The following TLE3 variants were observed in gnomAD, a reference collection of about 807,000 sequenced individuals.
The protein encoded by TLE3 is transducin-like enhancer protein 3.
TLE3 carries 14 observed loss-of-function variants against 93.0 expected under a neutral mutation model. That is an observed-to-expected ratio of 0.15 (90% CI 0.10 to 0.24). TLE3 has a LOEUF of 0.24. Ranked by LOEUF, TLE3 falls within the 10% of genes least tolerant of loss-of-function variation. The pLI is 1.00. For missense variants in TLE3, 693 were observed against 1,046.6 expected (o/e 0.66, Z 4.66); for synonymous variants, 451 against 425.0 (o/e 1.06, Z -0.75).
chr15:70,090,478 T>C (rs1014007021), intron 4 of TLE3, among the ~76,000 whole-genome samples: 2 of 152,176 alleles, frequency 1.3e-5, no homozygotes, highest in African/African-American at 2.4e-5. Flanking sequence ...GCAGAGTCCT[T>C]TGTAACCTCA....
rs757242205 is a variant in TLE3 at position 70,058,142 on chromosome 15, G to A, written c.1051+17C>T. 9 of 1,613,808 alleles carry A rather than the reference G, an allele frequency of 5.6e-6. No individual in the cohort carries two copies. The highest frequency in any genetic ancestry group is 4.2e-6 in the Non-Finnish European group (5 of 1,179,868). On this transcript the variant is annotated intron_variant, in intron 12 of 19. Coordinates refer to ENST00000451782, the MANE Select transcript of TLE3 (RefSeq NM_001105192.3). The surrounding 1 kb of genome is among the most constrained non-coding windows in gnomAD (Gnocchi z 4.1). ...CCCAATCAGATTAACCCAGCCCATG[G>A]TGCCTACCCATTATACCTATCGGGT...
At chr15:70,069,948 C>T (rs1249318150) in intron 6 of TLE3, among the ~76,000 whole-genome samples, 2 of 152,252 alleles carry the variant, frequency 1.3e-5, no homozygotes, top group Non-Finnish European at 2.9e-5. Flanking sequence ...ACAGTGATGT[C>T]TGAGTGGGAG....
chr15:70,066,259 G>C (rs763691334), intron 6 of TLE3, 41 bp from the exon 7 acceptor site: 6 of 1,446,304 alleles, frequency 4.1e-6, no homozygotes, highest in Non-Finnish European at 5.5e-6. Context: ...AGTTGGGGAG[G>C]GCAGGGGAGG....
Position 70,065,996 on chromosome 15 carries a change from G to A in TLE3, c.577+18C>T. Reference sequence around the variant, plus strand: ...CCACCCCTGCCCCGCCCCACCCTCTGCCCCAGCCCAGCCGCACCTCTGTGA... The same window carrying A: ...CCACCCCTGCCCCGCCCCACCCTCTACCCCAGCCCAGCCGCACCTCTGTGA... On this transcript the variant is annotated intron_variant, in intron 7 of 19. Transcript: ENST00000451782. 1 of 1,347,806 alleles carries A rather than the reference G, an allele frequency of 7.4e-7. No individual in the cohort carries two copies. The highest frequency in any genetic ancestry group is 1.0e-6 in the Non-Finnish European group (1 of 955,762). 83.5% of individuals were successfully genotyped at this position (1,347,806 alleles called of 1,614,324 possible).
At chr15:70,095,507 C>T (rs773174546) in intron 3 of TLE3, 71 bp downstream of exon 3, 2 of 1,547,092 alleles carry the variant, frequency 1.3e-6, no homozygotes, top group South Asian at 2.4e-5. Flanking sequence ...GCTCATCTCC[C>T]CAGATCCACG....
At chr15:70,073,865 A>G (rs1481288195) in intron 6 of TLE3, among the ~76,000 whole-genome samples, 1 of 152,248 alleles carries the variant, frequency 6.6e-6, no homozygotes, top group African/African-American at 2.4e-5. Flanking sequence ...AGGTAGACCC[A>G]GCTTCCCTTT....
chr15:70,070,599 C>T (rs971591532), intron 6 of TLE3, among the ~76,000 whole-genome samples: 1 of 152,228 alleles, frequency 6.6e-6, no homozygotes, highest in African/African-American at 2.4e-5. Context: ...CATTGAGCTT[C>T]TGGGGTTGGT....
chr15:70,055,570 C>A, intron 14 of TLE3: 3 of 379,186 alleles, frequency 7.9e-6, no homozygotes, highest in African/African-American at 2.1e-5. Context: ...AATGCCCTTT[C>A]CCACGATCCA....
At chr15:70,073,717 A>G (rs1229550315) in intron 6 of TLE3, among the ~76,000 whole-genome samples, 1 of 152,232 alleles carries the variant, frequency 6.6e-6, no homozygotes, top group Non-Finnish European at 1.5e-5. Flanking sequence ...CCCCAAGGGT[A>G]AGAGCCTTGC....
chr15:70,065,996 G>GGCCCCCCCCCCCCC lies in TLE3; in HGVS notation c.577+17_577+18insGGGGGGGGGGGGGC. On this transcript the variant is annotated intron_variant, in intron 7 of 19. Coordinates refer to ENST00000451782, the MANE Select transcript of TLE3 (RefSeq NM_001105192.3). ...CCACCCCTGCCCCGCCCCACCCTCT[G>GGCCCCCCCCCCCCC]CCCCAGCCCAGCCGCACCTCTGTGA... 1 of 1,347,810 alleles carries GGCCCCCCCCCCCCC rather than the reference G, an allele frequency of 7.4e-7. No individual in the cohort carries two copies. The highest frequency in any genetic ancestry group is 1.0e-6 in the Non-Finnish European group (1 of 955,764). 83.5% of individuals were successfully genotyped at this position (1,347,810 alleles called of 1,614,324 possible).
chr15:70,058,446 G>A lies in TLE3; in HGVS notation c.919-155C>T, dbSNP rs2056234376. The A allele has an allele frequency of 2.9e-6, 4 of 1,366,314 alleles. No homozygotes were observed. Among genetic ancestry groups the A allele is most frequent in the Non-Finnish European group, 3.0e-6 (3 of 1,005,532 alleles). The allele number at this position is 1,366,314 out of a possible 1,614,324, so 84.6% of individuals were successfully genotyped here. A position where few individuals can be genotyped will look rare whatever the true frequency, so the allele number is the denominator to read the frequency against. On this transcript the variant is annotated intron_variant, in intron 11 of 19. Transcript: ENST00000451782. This position sits in a 1 kb window ranked among gnomAD's most constrained non-coding sequence, Gnocchi z 4.1. ...CTCAATCCTTGCCCAACCTTGTTTG[G>A]CAGGGACTGGGGTGATCACTCCCAT...
chr15:70,084,703 C>T (rs2057960166), intron 4 of TLE3, among the ~76,000 whole-genome samples: 1 of 152,204 alleles, frequency 6.6e-6, no homozygotes, highest in South Asian at 2.1e-4. Context: ...ACCGTCAGTG[C>T]TGCTATCTGA....
At chr15:70,054,898 C>T in intron 15 of TLE3, 151 bp downstream of exon 15, 2 of 1,285,094 alleles carry the variant, frequency 1.6e-6, no homozygotes, top group Non-Finnish European at 2.1e-6. Flanking sequence ...ACACAGAAGG[C>T]ACAACTGAGG....
At chr15:70,093,343 T>C (rs1183452968) in intron 4 of TLE3, among the ~76,000 whole-genome samples, 4 of 152,206 alleles carry the variant, frequency 2.6e-5, no homozygotes, top group Non-Finnish European at 4.4e-5. Context: ...AAAGGCTCTA[T>C]AGGAAGCCAC....
intron 4 of TLE3, among the ~76,000 whole-genome samples, chr15:70,082,535 G>C (rs2057830614): frequency 6.6e-6 from 1 of 152,172 alleles, no homozygotes; most frequent in Non-Finnish European, 1.5e-5. Flanking sequence ...CTCAATGACA[G>C]GTGAGCCTTC....
chr15:70,058,042 C>G lies in TLE3; in HGVS notation c.1051+117G>C. 6.7e-7 allele frequency: 1 copy of G among 1,494,416 alleles called. No homozygotes were observed. The highest frequency in any genetic ancestry group is 9.1e-7 in the Non-Finnish European group (1 of 1,103,002). The allele number at this position is 1,494,416 out of a possible 1,614,324, so 92.6% of individuals were successfully genotyped here. ...GACCGTGAAGTCCCCAGGGGCAGGCCCTGGGAGACACTGCCTGTGCTCTAT... is the reference window on the plus strand; with the variant it reads ...GACCGTGAAGTCCCCAGGGGCAGGCGCTGGGAGACACTGCCTGTGCTCTAT... On this transcript the variant is annotated intron_variant, in intron 12 of 19. Coordinates refer to ENST00000451782, the MANE Select transcript of TLE3 (RefSeq NM_001105192.3). This position sits in a 1 kb window ranked among gnomAD's most constrained non-coding sequence, Gnocchi z 4.1.
chr15:70,066,073 C>T lies in TLE3; in HGVS notation c.518G>A (p.Gly173Asp). 6.2e-7 allele frequency: 1 copy of T among 1,600,716 alleles called. No individual in the cohort carries two copies. The highest frequency in any genetic ancestry group is 8.5e-7 in the Non-Finnish European group (1 of 1,173,204). Residue 173 changes from glycine to aspartate, a missense_variant, in exon 7 of 20, where the codon GGC (glycine) becomes GAC (aspartate). Physicochemically the swap from Gly to Asp is moderately conservative, Grantham distance 94. Transcript: ENST00000451782. ...CTTCACCGTCAGATGGGCCTGGCTG[C>T]CCAGGGCGCCCAGTGCCAGCAGCCC... Reference protein sequence around the residue: ...SSGLLALGALGSQAHLTVKDE... With the variant: ...SSGLLALGALDSQAHLTVKDE...
intron 3 of TLE3, 50 bp downstream of exon 3, chr15:70,095,528 G>A: frequency 6.5e-7 from 1 of 1,546,944 alleles, no homozygotes; most frequent in Non-Finnish European, 8.7e-7. Flanking sequence ...CCGCGCCCCC[G>A]GCCGGGGTCG....
intron 6 of TLE3, among the ~76,000 whole-genome samples, chr15:70,071,911 C>T (rs900740075): frequency 2.0e-5 from 3 of 152,220 alleles, no homozygotes; most frequent in African/African-American, 7.2e-5. Context: ...CAGGCTCGCT[C>T]TCTGCTCTCC....
Sources: allele counts gnomAD v4.1 joint callset (sites outside exome capture counted in the v4.1 genomes callset), GRCh38; gene constraint gnomAD v4.1.1; non-coding constraint Gnocchi (gnomAD v3.1); transcripts MANE v1.5; gene names NCBI Gene and HGNC (gene_info 2026-07-23, HGNC 2026-07-21).